The following RFTN2 variants were observed in gnomAD, a reference collection of about 807,000 sequenced individuals.
RFTN2 encodes raftlin-2.
Under a neutral mutation model 52.7 loss-of-function variants are expected in RFTN2, and 34 were observed. The ratio of observed to expected loss-of-function variants is 0.64; its 90% CI spans 0.49 to 0.86. The LOEUF (loss-of-function observed/expected upper bound fraction) is 0.86, where lower values mean the gene tolerates loss of function less well. RFTN2 is among the 40% of genes least tolerant of loss of function. The pLI is 0.00. For synonymous variants in RFTN2, 203 were observed against 217.7 expected (o/e 0.93, Z 0.59); for missense variants, 536 against 600.1 (o/e 0.89, Z 1.12).
intron 7 of RFTN2, among the ~76,000 whole-genome samples, chr2:197,602,979 A>G (rs2087902674): frequency 2.0e-5 from 3 of 152,198 alleles, no homozygotes; most frequent in African/African-American, 7.2e-5. Flanking sequence ...AAGGACAAAA[A>G]ACCAAACATA....
At chr2:197,583,624 C>CTTT (rs748512572) in intron 8 of RFTN2, among the ~76,000 whole-genome samples, 1 of 139,736 alleles carries the variant, frequency 7.2e-6, no homozygotes, top group African/African-American at 2.6e-5. Context: ...GACAGTACTT[C>CTTT]TTTTTTTTTT....
intron 8 of RFTN2, among the ~76,000 whole-genome samples, chr2:197,590,964 C>G (rs545028560): frequency 1.3e-5 from 2 of 152,358 alleles, no homozygotes; most frequent in East Asian, 3.9e-4. Flanking sequence ...GTTGCCACTG[C>G]TGGCTGAGGC....
chr2:197,606,215 C>T (rs1171078503), intron 7 of RFTN2, among the ~76,000 whole-genome samples: 4 of 152,182 alleles, frequency 2.6e-5, no homozygotes, highest in African/African-American at 7.2e-5. Context: ...TCTAGACCTT[C>T]ATGGCAGGAC....
Position 197,596,048 on chromosome 2 carries a change from C to T in RFTN2, c.1176G>A (p.Lys392=). The change falls in exon 8 of 9, where the codon AAG becomes AAA. Residue 392 remains lysine, a synonymous_variant. Transcript: ENST00000295049. ...RHDSEGNLAT[K]QIVFLQRPVM... is the part of the protein sequence containing the mutation. ...CTGGCCTCTGAAGGAATACGATCTG[C>T]TTTGTAGCCAAATTCCCTTCACTGC... 1 of 1,611,014 alleles carries T rather than the reference C, an allele frequency of 6.2e-7. No homozygotes were observed. The highest frequency in any genetic ancestry group is 8.5e-7 in the Non-Finnish European group (1 of 1,177,590).
intron 7 of RFTN2, among the ~76,000 whole-genome samples, chr2:197,610,215 C>A (rs2088033372): frequency 6.6e-6 from 1 of 152,154 alleles, no homozygotes; most frequent in South Asian, 2.1e-4. Context: ...GCAGTATGGC[C>A]ATTTTCACTA....
chr2:197,584,527 T>C (rs1411169860), intron 8 of RFTN2, among the ~76,000 whole-genome samples: 1 of 152,136 alleles, frequency 6.6e-6, no homozygotes, highest in Non-Finnish European at 1.5e-5. Context: ...GTCAGATGAG[T>C]AGATTGCAAA....
rs140018927 is a variant in RFTN2, at chr2:197,601,681, G to A, written c.1155-5612C>T. ...AGAAAACTTTATAATTAGTGGATAA[G>A]TCTAAGCTTATTTTACCAAATTCCA... On this transcript the variant is annotated intron_variant, in intron 7 of 8. Coordinates refer to ENST00000295049, the MANE Select transcript of RFTN2 (RefSeq NM_144629.3). Among the ~76,000 whole-genome samples, 410 of 152,198 alleles carry A rather than the reference G, an allele frequency of 2.7e-3. 1 individual carries two copies. Among genetic ancestry groups the A allele is most frequent in the South Asian group, 4.6e-3 (22 of 4,806 alleles).
intron 8 of RFTN2, among the ~76,000 whole-genome samples, chr2:197,591,225 C>T (rs2087707627): frequency 6.6e-6 from 1 of 152,138 alleles, no homozygotes; most frequent in Admixed American, 6.5e-5. Context: ...GGTGCATTCA[C>T]AAACCTTGAG....
chr2:197,572,135 G>A lies in RFTN2; in HGVS notation c.1379C>T (p.Thr460Ile). 6.2e-7 allele frequency: 1 copy of A among 1,614,218 alleles called. No individual in the cohort carries two copies. The highest frequency in any genetic ancestry group is 8.5e-7 in the Non-Finnish European group (1 of 1,180,044). Residue 460 changes from threonine (T) to isoleucine (I), a missense_variant, in exon 9 of 9, where the codon ACA becomes ATA. Physicochemically the swap from Thr to Ile is moderately conservative, Grantham distance 89. Transcript: ENST00000295049. ...GTGCTGTGCCAGCCTTCCCTCCTTT[G>A]TCCAGCATTCCCGGGAGGGAGAAAG... ...CRLSPSRECW[T>I]KEGRLAQHNS...
Position 197,572,226 on chromosome 2 carries a change from T to C in RFTN2, c.1288A>G (p.Ser430Gly). The change falls in exon 9 of 9, where the codon AGC becomes GGC. Residue 430 changes from serine to glycine, a missense_variant. Coordinates refer to ENST00000295049, the MANE Select transcript of RFTN2 (RefSeq NM_144629.3). ...GEDKNKATSR[S>G]IGLDTTSSQP... is the part of the protein sequence containing the mutation. ...GACGAGGTTGTGTCTAATCCGATGC[T>C]TCTACTAGTGGCTTTATTCTTGTCT... 1.2e-6 allele frequency: 2 copies of C among 1,614,258 alleles called. No homozygotes were observed. Among genetic ancestry groups the C allele is most frequent in the Non-Finnish European group, 1.7e-6 (2 of 1,180,030 alleles).
chr2:197,634,748 T>C (rs1401669026), intron 3 of RFTN2, among the ~76,000 whole-genome samples: 1 of 151,524 alleles, frequency 6.6e-6, no homozygotes, highest in Non-Finnish European at 1.5e-5. Flanking sequence ...TATTTATTTT[T>C]ATTATACTTT....
chr2:197,627,467 T>C (rs766395082), intron 5 of RFTN2, among the ~76,000 whole-genome samples: 4 of 152,234 alleles, frequency 2.6e-5, no homozygotes, highest in Admixed American at 6.5e-5. Context: ...AACCCAGTGC[T>C]TGGCATGGGT....
intron 3 of RFTN2, among the ~76,000 whole-genome samples, chr2:197,640,992 A>G (rs1378745155): frequency 1.3e-5 from 2 of 152,190 alleles, no homozygotes; most frequent in Non-Finnish European, 2.9e-5. Flanking sequence ...TAGGTGCTCT[A>G]TAAGTACTTG....
intron 4 of RFTN2, 58 bp downstream of exon 4, chr2:197,633,660 A>G (rs2088502080): frequency 6.9e-7 from 1 of 1,447,104 alleles, no homozygotes. Flanking sequence ...AAAAAACCTC[A>G]AAAACTTATT....
chr2:197,675,522 A>C lies in RFTN2; in HGVS notation c.-64T>G, dbSNP rs765921349. 19 of 1,106,320 alleles carry C rather than the reference A, an allele frequency of 1.7e-5. No homozygotes were observed. Among genetic ancestry groups the C allele is most frequent in the Admixed American group, 3.3e-5 (1 of 30,630 alleles). The allele number at this position is 1,106,320 out of a possible 1,614,324, so 68.5% of individuals were successfully genotyped here. On this transcript the variant is annotated 5_prime_UTR_variant, in exon 1 of 9. Transcript: ENST00000295049. ...GGGAGAGCAGCAAATTCTGTTGTTT[A>C]AGCTGCAAAAAGAAAGTTACAGACT...
chr2:197,635,665 A>G (rs1365541112), intron 3 of RFTN2, among the ~76,000 whole-genome samples: 1 of 149,194 alleles, frequency 6.7e-6, no homozygotes, highest in East Asian at 2.0e-4. Flanking sequence ...AGGTTGTGAA[A>G]ATTTTCTCCC....
At chr2:197,642,763 C>T (rs920501209) in intron 3 of RFTN2, among the ~76,000 whole-genome samples, 1 of 152,110 alleles carries the variant, frequency 6.6e-6, no homozygotes, top group East Asian at 1.9e-4. Flanking sequence ...GCAGTAGGAT[C>T]GATTGAGCCC....
chr2:197,610,196 T>C (rs1284510648), intron 7 of RFTN2, among the ~76,000 whole-genome samples: 2 of 152,204 alleles, frequency 1.3e-5, no homozygotes, highest in Non-Finnish European at 2.9e-5. Context: ...AATCTGTAAA[T>C]TACCTTGGGC....
chr2:197,600,953 A>G (rs2087870338), intron 7 of RFTN2, among the ~76,000 whole-genome samples: 1 of 152,248 alleles, frequency 6.6e-6, no homozygotes, highest in Admixed American at 6.5e-5. Flanking sequence ...TGACAAGTAT[A>G]GAGAACAGTC....
Sources: gnomAD v4.1 joint callset for allele counts (sites outside exome capture counted in the v4.1 genomes callset) on GRCh38, gnomAD v4.1.1 for gene constraint, MANE v1.5 for transcripts, NCBI Gene and HGNC (gene_info 2026-07-23, HGNC 2026-07-21) for gene names.